APC: variants seen among roughly 807,000 people sequenced by gnomAD.
The protein encoded by APC is adenomatous polyposis coli protein.
In APC, 72 loss-of-function variants were observed where a neutral mutation model predicts 247.0. The ratio of observed to expected loss-of-function variants is 0.29; its 90% CI spans 0.24 to 0.35. APC has a LOEUF of 0.35. APC is among the 10% of genes least tolerant of loss of function. APC has a pLI of 1.00. For synonymous variants in APC, 1,254 were observed against 1,162.5 expected, an observed-to-expected ratio of 1.08 and a Z score of -1.60; for missense variants, 3,400 against 3,360.7, an observed-to-expected ratio of 1.01 and a Z score of -0.29.
intron 9 of APC, among the ~76,000 whole-genome samples, chr5:112,817,156 G>A (rs1459569067): frequency 6.6e-6 from 1 of 152,086 alleles, no homozygotes; most frequent in Non-Finnish European, 1.5e-5. Flanking sequence ...AGGCATGAGT[G>A]ACCACACCCG....
intron 14 of APC, among the ~76,000 whole-genome samples, chr5:112,831,068 G>T (rs1488101610): frequency 3.3e-5 from 5 of 151,990 alleles, no homozygotes; most frequent in African/African-American, 9.7e-5. Flanking sequence ...GCTGCTAACT[G>T]GTTCATGACT....
rs786202584 is a variant in APC at position 112,766,344 on chromosome 5, C to T, written c.154C>T (p.Gln52Ter). The change falls in exon 3 of 16, where the codon CAA becomes TAA. Residue 52 changes from glutamine to a stop codon, truncating the protein, a stop_gained. Transcript: ENST00000257430. LOFTEE classifies it high-confidence loss of function. ...SNMKEVLKQLQGSIEDEAMAS... is the reference protein window; with the variant it reads ...SNMKEVLKQL The stretch of plus-strand genomic sequence containing the variant: ...TTAACAGGAAGTACTTAAACAACTA[C>T]AAGGAAGTATTGAAGATGAAGCTAT... The T allele has an allele frequency of 6.2e-7, 1 of 1,607,620 alleles. No homozygotes were observed. Among genetic ancestry groups the T allele is most frequent in the Non-Finnish European group, 8.5e-7 (1 of 1,174,382 alleles).
chr5:112,834,479 A>C (rs921678403), intron 14 of APC, among the ~76,000 whole-genome samples: 7 of 147,214 alleles, frequency 4.8e-5, no homozygotes, highest in Admixed American at 2.0e-4. Flanking sequence ...TCCTGACCTC[A>C]GATGATCCAC....
chr5:112,787,495 A>T (rs1376739726), intron 6 of APC, among the ~76,000 whole-genome samples: 2 of 152,188 alleles, frequency 1.3e-5, no homozygotes, highest in Non-Finnish European at 2.9e-5. Flanking sequence ...TATCATTAAC[A>T]ATCAGTGGGT....
intron 1 of APC, among the ~76,000 whole-genome samples, chr5:112,708,241 C>T (rs1038308163): frequency 2.0e-5 from 3 of 152,206 alleles, no homozygotes; most frequent in African/African-American, 7.2e-5. Context: ...CTTGCTTCCT[C>T]TAAAAGTTTT....
At chr5:112,767,002 C>T (rs1175493551) in intron 3 of APC, among the ~76,000 whole-genome samples, 187 bp from the exon 4 acceptor site, 2 of 152,184 alleles carry the variant, frequency 1.3e-5, no homozygotes, top group Non-Finnish European at 1.5e-5. Context: ...CTTTAACACA[C>T]TCCTTATTTT....
At chr5:112,768,215 A>G (rs1015979340) in intron 4 of APC, among the ~76,000 whole-genome samples, 3 of 151,576 alleles carry the variant, frequency 2.0e-5, no homozygotes, top group African/African-American at 7.3e-5. Flanking sequence ...GGCTAATTTT[A>G]TATTTTGAGT....
Position 112,842,644 on chromosome 5 carries a change from C to T in APC, c.7050C>T (p.Ser2350=), listed in dbSNP as rs78556145. 6 of 1,613,860 alleles carry T rather than the reference C, an allele frequency of 3.7e-6. No homozygotes were observed. The highest frequency in any genetic ancestry group is 5.1e-6 in the Non-Finnish European group (6 of 1,179,810). The part of the protein sequence containing the change: ...NKLSQLPRTS[S]PSTASTKSSG... The stretch of plus-strand genomic sequence containing the variant: ...TATCTCAACTTCCAAGGACATCATC[C>T]CCTAGTACTGCTTCAACTAAGTCCT... Residue 2350 remains serine (S), a synonymous_variant, in exon 16 of 16, where the codon TCC becomes TCT. Coordinates refer to ENST00000257430, the MANE Select transcript of APC (RefSeq NM_000038.6).
At chr5:112,834,580 T>G (rs1291067386) in intron 14 of APC, among the ~76,000 whole-genome samples, 1 of 152,122 alleles carries the variant, frequency 6.6e-6, no homozygotes, top group Non-Finnish European at 1.5e-5. Flanking sequence ...TTCACTTTTT[T>G]TTTTCTTTTT....
chr5:112,763,102 T>C (rs1462042674), intron 2 of APC, among the ~76,000 whole-genome samples: 3 of 152,204 alleles, frequency 2.0e-5, no homozygotes, highest in South Asian at 2.1e-4. Context: ...TTAAATCTTA[T>C]TTACCTTTAT....
chr5:112,809,861 G>A (rs1761805505), intron 8 of APC, among the ~76,000 whole-genome samples: 1 of 152,178 alleles, frequency 6.6e-6, no homozygotes, highest in Admixed American at 6.5e-5. Flanking sequence ...GCTGGGCGTG[G>A]CAGCGCGTGC....
At chr5:112,725,313 AAGGTATTCC>A (rs1751715398) in intron 1 of APC, among the ~76,000 whole-genome samples, 1 of 152,168 alleles carries the variant, frequency 6.6e-6, no homozygotes. Context: ...AATTTTTTTA[AAGGTATTCC>A]AGGCAGTTGT....
chr5:112,779,065 A>G (rs1054917004), intron 5 of APC, among the ~76,000 whole-genome samples: 7 of 152,304 alleles, frequency 4.6e-5, no homozygotes, highest in Middle Eastern at 3.4e-3. Flanking sequence ...TTCTCCTAGA[A>G]TAATCATTCA....
intron 10 of APC, 136 bp downstream of exon 10, chr5:112,819,480 A>G (rs142238937): frequency 0.012 from 14,643 of 1,185,798 alleles, 165 homozygotes; most frequent in African/African-American, 0.018. Context: ...TGTGCTACTC[A>G]TATTTAAAAG....
At chr5:112,785,394 G>A (rs560339636) in intron 6 of APC, among the ~76,000 whole-genome samples, 2 of 152,196 alleles carry the variant, frequency 1.3e-5, no homozygotes, top group South Asian at 2.1e-4. Flanking sequence ...TGGAAATGGG[G>A]GTAGGAGGAC....
At chr5:112,768,374 A>G (rs1475645200) in intron 4 of APC, among the ~76,000 whole-genome samples, 3 of 151,842 alleles carry the variant, frequency 2.0e-5, no homozygotes, top group African/African-American at 7.2e-5. Context: ...AAAAAAAAAA[A>G]AAGAAAAAAA....
Position 112,835,119 on chromosome 5 carries a change from A to G in APC, c.1912A>G (p.Ile638Val), listed in dbSNP as rs75117039. Residue 638 changes from isoleucine (I) to valine (V), a missense_variant, in exon 15 of 16, where the codon ATA becomes GTA. By Grantham distance (29) the Ile-to-Val change is conservative. Around this residue, in one of 9 missense-constraint regions of APC, gnomAD observed 184 missense variants for 248.0 expected, o/e 0.74. Coordinates refer to ENST00000257430, the MANE Select transcript of APC (RefSeq NM_000038.6). ...TLAIIESGGG[I>V]LRNVSSLIAT... Reference sequence around the variant, plus strand: ...AGCCATTATTGAAAGTGGAGGTGGGATATTACGGAATGTGTCCAGCTTGAT... The same window carrying G: ...AGCCATTATTGAAAGTGGAGGTGGGGTATTACGGAATGTGTCCAGCTTGAT... The G allele has an allele frequency of 6.2e-7, 1 of 1,614,156 alleles. No individual in the cohort carries two copies. The highest frequency in any genetic ancestry group is 8.5e-7 in the Non-Finnish European group (1 of 1,180,008).
At chr5:112,745,701 G>A (rs1753583834) in intron 1 of APC, among the ~76,000 whole-genome samples, 1 of 151,890 alleles carries the variant, frequency 6.6e-6, no homozygotes, top group South Asian at 2.1e-4. Flanking sequence ...CACCATAGCT[G>A]GGACTACAGG....
chr5:112,827,708 A>G (rs1215411691), intron 12 of APC, among the ~76,000 whole-genome samples: 1 of 152,214 alleles, frequency 6.6e-6, no homozygotes, highest in Non-Finnish European at 1.5e-5. Context: ...CCACTTATTC[A>G]CTTTATTTCT....
Sources: gnomAD v4.1 joint callset for allele counts (sites outside exome capture counted in the v4.1 genomes callset) on GRCh38, gnomAD v4.1.1 for gene constraint, gnomAD v4.1.1 regional missense constraint, MANE v1.5 for transcripts, NCBI Gene and HGNC (gene_info 2026-07-23, HGNC 2026-07-21) for gene names.